AHI1: variants seen among roughly 807,000 people sequenced by gnomAD.
AHI1 encodes the protein jouberin.
In AHI1, 123 loss-of-function variants were observed where a neutral mutation model predicts 149.3. The observed-to-expected ratio is 0.82, with a 90% CI of 0.71 to 0.96. The LOEUF is 0.96. Among genes scored for constraint, AHI1 ranks in the 40% least tolerant of loss-of-function variants. The pLI, the probability that AHI1 is intolerant of heterozygous loss-of-function variation, is 0.00. For synonymous variants in AHI1, 475 were observed against 459.8 expected (o/e 1.03, Z -0.42); for missense variants, 1,439 against 1,422.7 (o/e 1.01, Z -0.18).
chr6:135,496,291 A>G (rs147958652), intron 2 of AHI1, among the ~76,000 whole-genome samples: 3,914 of 152,038 alleles, frequency 0.026, 147 homozygotes, highest in African/African-American at 0.087. Context: ...TAATTTTTGT[A>G]TTTTTAGTAG....
rs1441363231 is a variant in AHI1 at position 135,332,856 on chromosome 6, A to C, written c.3166-9532T>G. ...CCCCCCGTTCCTTCTCTGTCTATAA[A>C]ACCAACTTCTTTTGCTCAGCTCACT... On this transcript the variant is annotated intron_variant, in intron 24 of 28. Transcript: ENST00000265602. Among the ~76,000 whole-genome samples, 3 of 152,246 alleles carry C rather than the reference A, an allele frequency of 2.0e-5. No individual in the cohort carries two copies. In the East Asian group the frequency reaches 5.8e-4, roughly 29 times the overall value.
intron 21 of AHI1, among the ~76,000 whole-genome samples, chr6:135,409,318 A>T (rs995301495): frequency 2.4e-4 from 36 of 152,132 alleles, no homozygotes; most frequent in African/African-American, 8.0e-4. Flanking sequence ...TCAATAATCT[A>T]TTAATATTTT....
rs751347839 is a variant in AHI1 at position 135,431,251 on chromosome 6, A to C, written c.2330T>G (p.Ile777Ser). 6.8e-6 allele frequency: 11 copies of C among 1,608,462 alleles called. No homozygotes were observed. Among genetic ancestry groups the C allele is most frequent in the Middle Eastern group, 1.7e-4 (1 of 5,976 alleles). ...VIVVWNTYVKINDLEHSVHHW... is the reference protein window; with the variant it reads ...VIVVWNTYVKSNDLEHSVHHW... ...GTGCACTGAATGTTCCAAATCATTAATCTTGACATAGGTATTCCAAACAAC... is the reference window on the plus strand; with the variant it reads ...GTGCACTGAATGTTCCAAATCATTACTCTTGACATAGGTATTCCAAACAAC... Residue 777 changes from isoleucine to serine, a missense_variant, in exon 17 of 29, where the codon ATT (isoleucine) becomes AGT (serine). Physicochemically the swap from Ile to Ser is moderately radical, Grantham distance 142. Coordinates refer to ENST00000265602, the MANE Select transcript of AHI1 (RefSeq NM_001134831.2).
At chr6:135,360,121 C>T (rs1172103914) in intron 23 of AHI1, among the ~76,000 whole-genome samples, 1 of 152,058 alleles carries the variant, frequency 6.6e-6, no homozygotes, top group African/African-American at 2.4e-5. Context: ...ATCAAAATAA[C>T]TTCCTATTTT....
At chr6:135,483,289 G>A (rs1794000065) in intron 5 of AHI1, among the ~76,000 whole-genome samples, 1 of 152,034 alleles carries the variant, frequency 6.6e-6, no homozygotes, top group Admixed American at 6.6e-5. Flanking sequence ...AGATTTATAA[G>A]CTAAATCCAG....
chr6:135,439,556 T>C (rs1252793024), intron 14 of AHI1, among the ~76,000 whole-genome samples: 3 of 152,160 alleles, frequency 2.0e-5, no homozygotes, highest in Admixed American at 1.3e-4. Flanking sequence ...AAGTTCTTGA[T>C]TTAAAAAGGA....
intron 23 of AHI1, among the ~76,000 whole-genome samples, chr6:135,392,072 C>T (rs1187775005): frequency 6.6e-6 from 1 of 152,152 alleles, no homozygotes; most frequent in Admixed American, 6.5e-5. Flanking sequence ...CTCTCCTATT[C>T]CTCTTTATTC....
At chr6:135,379,653 G>T (rs948505503) in intron 23 of AHI1, among the ~76,000 whole-genome samples, 2 of 152,118 alleles carry the variant, frequency 1.3e-5, no homozygotes, top group African/African-American at 4.8e-5. Flanking sequence ...GCTAGGGATG[G>T]GGCTGAGTTC....
intron 8 of AHI1, among the ~76,000 whole-genome samples, chr6:135,459,601 C>T (rs1303551586): frequency 6.6e-6 from 1 of 151,800 alleles, no homozygotes; most frequent in East Asian, 1.9e-4. Flanking sequence ...TAAGGCTGAT[C>T]AAGAAATTGA....
chr6:135,324,562 A>G (rs1203067495), intron 24 of AHI1, among the ~76,000 whole-genome samples: 1 of 148,880 alleles, frequency 6.7e-6, no homozygotes, highest in Non-Finnish European at 1.5e-5. Context: ...ATATATATAT[A>G]TATATATATA....
intron 15 of AHI1, among the ~76,000 whole-genome samples, chr6:135,437,665 C>A (rs542863034): frequency 6.6e-6 from 1 of 152,252 alleles, no homozygotes; most frequent in South Asian, 2.1e-4. Flanking sequence ...TGGATCTCAA[C>A]TGTTTACATG....
intron 22 of AHI1, among the ~76,000 whole-genome samples, chr6:135,398,042 C>T (rs979644586): frequency 2.9e-5 from 4 of 138,914 alleles, no homozygotes; most frequent in African/African-American, 1.1e-4. Flanking sequence ...AAAAAGAAAC[C>T]AATAATACCC....
intron 23 of AHI1, among the ~76,000 whole-genome samples, chr6:135,386,862 C>G (rs1044671435): frequency 6.6e-6 from 1 of 151,960 alleles, no homozygotes; most frequent in African/African-American, 2.4e-5. Context: ...AACTCCTGAC[C>G]TCAGCTGATT....
chr6:135,342,232 T>A (rs180713484), intron 24 of AHI1, among the ~76,000 whole-genome samples: 2 of 151,940 alleles, frequency 1.3e-5, no homozygotes, highest in East Asian at 3.9e-4. Context: ...AAGATGCAAC[T>A]TAAAACTGAC....
chr6:135,398,855 C>G (rs553780678), intron 22 of AHI1, among the ~76,000 whole-genome samples: 2 of 152,222 alleles, frequency 1.3e-5, no homozygotes, highest in South Asian at 4.1e-4. Flanking sequence ...ATTCATCCCT[C>G]AGTCCCCTTA....
Position 135,382,494 on chromosome 6 carries a change from A to G in AHI1, c.3109+12282T>C, listed in dbSNP as rs188661028. ...TTCATTTCCAGAAAACATTACCAGT[A>G]AATTCTATTATATCACAGACTGTTC... On this transcript the variant is annotated intron_variant, in intron 23 of 28. Coordinates refer to ENST00000265602, the MANE Select transcript of AHI1 (RefSeq NM_001134831.2). Among the ~76,000 whole-genome samples the G allele has an allele frequency of 2.0e-3, 302 of 152,312 alleles. 3 individuals are homozygous for G. Among genetic ancestry groups the G allele is most frequent in the Admixed American group, 9.0e-3 (137 of 15,304 alleles).
At chr6:135,286,242 T>C (rs1781669685) in intron 28 of AHI1, among the ~76,000 whole-genome samples, 1 of 152,214 alleles carries the variant, frequency 6.6e-6, no homozygotes, top group Non-Finnish European at 1.5e-5. Flanking sequence ...ATACAATTCA[T>C]AAAAATCAAG....
chr6:135,488,595 C>T (rs1332740640), intron 5 of AHI1, among the ~76,000 whole-genome samples: 2 of 152,176 alleles, frequency 1.3e-5, no homozygotes, highest in African/African-American at 2.4e-5. Context: ...ATCCCAATAT[C>T]TATCTTGCAT....
chr6:135,482,893 G>GGTTTTTTTTTTTTTTTTTTT (rs1491384083), intron 5 of AHI1, among the ~76,000 whole-genome samples: 2 of 5,790 alleles, frequency 3.5e-4, no homozygotes, highest in African/African-American at 1.4e-3. Context: ...TCCATTTAAG[G>GGTTTTTTTTTTTTTTTTTTT]CTTTTTTTTT....
Sources: gnomAD v4.1 joint callset for allele counts (sites outside exome capture counted in the v4.1 genomes callset) on GRCh38, gnomAD v4.1.1 for gene constraint, MANE v1.5 for transcripts, NCBI Gene and HGNC (gene_info 2026-07-23, HGNC 2026-07-21) for gene names.